Variants in ZFHX3 observed in about 807,000 individuals in gnomAD.
The protein encoded by ZFHX3 is zinc finger homeobox protein 3.
In ZFHX3, 42 loss-of-function variants were observed where a neutral mutation model predicts 279.1. The ratio of observed to expected loss-of-function variants is 0.15; its 90% CI spans 0.12 to 0.19. The LOEUF (loss-of-function observed/expected upper bound fraction) is 0.19, where lower values mean the gene tolerates loss of function less well. Ranked by LOEUF, ZFHX3 falls within the 10% of genes least tolerant of loss-of-function variation. The pLI is 1.00. For missense variants in ZFHX3, 4,981 were observed against 4,754.0 expected (o/e 1.05, Z -1.40); for synonymous variants, 2,293 against 1,957.8 (o/e 1.17, Z -4.52).
At chr16:73,811,604 G>A (rs879139744) in intron 1 of ZFHX3, among the ~76,000 whole-genome samples, 4 of 151,696 alleles carry the variant, frequency 2.6e-5, no homozygotes, top group African/African-American at 7.3e-5. Context: ...GCGCCAACAC[G>A]CCTGGCTAAT....
rs966997929 is a variant in ZFHX3, at chr16:72,976,445, C to T, written c.-49-16251G>A. ...TCTGCATAATACTTATCCAACTACT[C>T]ACTGGTTGTTCTAATGATTTTTATT... On this transcript the variant is annotated intron_variant, in intron 1 of 9. Transcript: ENST00000268489. 9.2e-5 allele frequency among the ~76,000 whole-genome samples: 14 copies of T among 152,222 alleles called. No individual in the cohort carries two copies. In the East Asian group the frequency reaches 9.6e-4, roughly 10 times the overall value.
At chr16:73,631,403 TTAAAATA>T (rs1238811205) in intron 2 of ZFHX3, among the ~76,000 whole-genome samples, 2 of 152,226 alleles carry the variant, frequency 1.3e-5, no homozygotes, top group Non-Finnish European at 2.9e-5. Flanking sequence ...TTTTTATAAC[TTAAAATA>T]TTTAATCTCC....
intron 5 of ZFHX3, among the ~76,000 whole-genome samples, chr16:73,185,558 C>T (rs753590974): frequency 6.6e-5 from 10 of 152,152 alleles, no homozygotes; most frequent in Non-Finnish European, 1.0e-4. Flanking sequence ...AATGGGCAAA[C>T]CTCTGGATTT....
chr16:73,569,141 C>G (rs529267075), intron 2 of ZFHX3, among the ~76,000 whole-genome samples: 44 of 152,232 alleles, frequency 2.9e-4, no homozygotes, highest in Admixed American at 1.0e-3. Context: ...TCAGAATGCT[C>G]TTTCCCAAGC....
chr16:73,821,413 T>C (rs566526035), intron 1 of ZFHX3, among the ~76,000 whole-genome samples: 1 of 152,328 alleles, frequency 6.6e-6, no homozygotes, highest in Non-Finnish European at 1.5e-5. Flanking sequence ...AAAGAACTGA[T>C]CCTTAACCTT....
Position 72,958,977 on chromosome 16 carries a change from G to A in ZFHX3, c.1169C>T (p.Pro390Leu). ...PAGSAAGPEQ[P>L]QAGLLTPSTL... ...GCTGGGGGTCAAGAGACCAGCCTGGGGCTGCTCGGGGCCAGCGGCGGAGCC... is the reference window on the plus strand; with the variant it reads ...GCTGGGGGTCAAGAGACCAGCCTGGAGCTGCTCGGGGCCAGCGGCGGAGCC... The change falls in exon 2 of 10, where the codon CCC becomes CTC. Residue 390 changes from proline (P) to leucine (L), a missense_variant. Physicochemically the swap from Pro to Leu is moderately conservative, Grantham distance 98 (BLOSUM62 -3). This residue lies in a region of ZFHX3 where 1,068 missense variants were observed against 935.2 expected (regional missense o/e 1.14). Coordinates refer to ENST00000268489, the MANE Select transcript of ZFHX3 (RefSeq NM_006885.4). 6.2e-7 allele frequency: 1 copy of A among 1,604,542 alleles called. No individual in the cohort carries two copies. Among genetic ancestry groups the A allele is most frequent in the Non-Finnish European group, 8.5e-7 (1 of 1,175,708 alleles).
chr16:73,157,001 C>T (rs758569157), intron 5 of ZFHX3, among the ~76,000 whole-genome samples: 1 of 152,158 alleles, frequency 6.6e-6, no homozygotes, highest in Non-Finnish European at 1.5e-5. Flanking sequence ...CGTGAGCCAC[C>T]GTGCCCGGCC....
chr16:73,173,016 T>G (rs1409456660), intron 5 of ZFHX3, among the ~76,000 whole-genome samples: 56 of 120,806 alleles, frequency 4.6e-4, no homozygotes, highest in East Asian at 2.6e-3. Flanking sequence ...TTGTTTTTTT[T>G]TTTTTTTTTT....
intron 5 of ZFHX3, among the ~76,000 whole-genome samples, chr16:73,246,516 G>A (rs926104290): frequency 6.6e-6 from 1 of 152,194 alleles, no homozygotes; most frequent in East Asian, 1.9e-4. Flanking sequence ...GGGTGGGCCA[G>A]GCTTTTGGAA....
At chr16:73,549,845 G>A (rs186673662) in intron 2 of ZFHX3, among the ~76,000 whole-genome samples, 17 of 150,384 alleles carry the variant, frequency 1.1e-4, no homozygotes, top group East Asian at 3.9e-4. Context: ...TCGGACGAGC[G>A]CTACATTTGA....
intron 1 of ZFHX3, among the ~76,000 whole-genome samples, chr16:73,804,656 A>T (rs1215454101): frequency 6.6e-6 from 1 of 152,088 alleles, no homozygotes; most frequent in Admixed American, 6.5e-5. Context: ...GGCAAATATG[A>T]GTCTTTTATT....
intron 2 of ZFHX3, among the ~76,000 whole-genome samples, chr16:73,679,200 G>C (rs2052985643): frequency 6.6e-6 from 1 of 151,660 alleles, no homozygotes; most frequent in Non-Finnish European, 1.5e-5. Flanking sequence ...CAAGCATCTA[G>C]TCTACTCAAC....
At chr16:73,271,770 C>T (rs1214364676) in intron 4 of ZFHX3, among the ~76,000 whole-genome samples, 1 of 152,172 alleles carries the variant, frequency 6.6e-6, no homozygotes, top group Non-Finnish European at 1.5e-5. Context: ...CCACCCTATG[C>T]CATGCTTCCT....
At chr16:73,265,831 G>A (rs2144973825) in intron 4 of ZFHX3, among the ~76,000 whole-genome samples, 1 of 152,280 alleles carries the variant, frequency 6.6e-6, no homozygotes, top group Non-Finnish European at 1.5e-5. Context: ...TATTCTATAG[G>A]GACATTAAGG....
At chr16:73,792,863 CCCT>C (rs1262975614) in intron 1 of ZFHX3, among the ~76,000 whole-genome samples, 2 of 147,624 alleles carry the variant, frequency 1.4e-5, no homozygotes, top group African/African-American at 5.1e-5. Flanking sequence ...TGCACCCCCC[CCCT>C]CCCCTCTCTG....
chr16:73,779,644 G>C (rs945700537), intron 1 of ZFHX3, among the ~76,000 whole-genome samples: 2 of 152,318 alleles, frequency 1.3e-5, no homozygotes, highest in Non-Finnish European at 2.9e-5. Flanking sequence ...AGAAGCACCA[G>C]TCAACAGTGA....
chr16:73,607,179 C>T (rs894671419), intron 2 of ZFHX3, among the ~76,000 whole-genome samples: 1 of 152,206 alleles, frequency 6.6e-6, no homozygotes, highest in Non-Finnish European at 1.5e-5. Context: ...CAGGCACCTA[C>T]CACCATGCCT....
chr16:72,976,265 TG>T lies in ZFHX3; in HGVS notation c.-49-16072del, dbSNP rs1231771956. ...TCTTGGACAGCGCCAGAACAAATTT[TG>T]GCAACTGTTCCTGCAGTTCCAAAAG... On this transcript the variant is annotated intron_variant, in intron 1 of 9. Coordinates refer to ENST00000268489, the MANE Select transcript of ZFHX3 (RefSeq NM_006885.4). 5.9e-5 allele frequency among the ~76,000 whole-genome samples: 9 copies of T among 152,354 alleles called. No homozygotes were observed. In the South Asian group the frequency reaches 1.9e-3, roughly 32 times the overall value.
chr16:73,682,998 AGAAAGAAAGAAAGAGAAAGGAG>A (rs1159284239), intron 1 of ZFHX3, among the ~76,000 whole-genome samples: 2 of 84,380 alleles, frequency 2.4e-5, no homozygotes, highest in Non-Finnish European at 5.8e-5. Flanking sequence ...AAGAAAAGAA[AGAAAGAAAGAAAGAGAAAGGAG>A]GGAGGGAGGG....
Sources: allele counts gnomAD v4.1 joint callset (sites outside exome capture counted in the v4.1 genomes callset), GRCh38; gene constraint gnomAD v4.1.1; regional missense constraint gnomAD v4.1.1; transcripts MANE v1.5; gene names NCBI Gene and HGNC (gene_info 2026-07-23, HGNC 2026-07-21).